The following AGMAT variants were observed in gnomAD, a reference collection of about 807,000 sequenced individuals.
AGMAT encodes the protein agmatinase (putative).
A neutral mutation model predicts 29.3 loss-of-function variants in AGMAT; 37 were observed. The observed-to-expected ratio is 1.26, with a 90% CI of 0.97 to 1.66. The LOEUF is 1.66. AGMAT is among the 40% of genes most tolerant of loss of function. The pLI, the probability that AGMAT is intolerant of heterozygous loss-of-function variation, is 0.00. For synonymous variants in AGMAT, 199 were observed against 200.8 expected (o/e 0.99, Z 0.08); for missense variants, 498 against 497.8 (o/e 1.00, Z 0.00).
At chr1:15,575,416 G>C (rs1300084466) in intron 5 of AGMAT, 1 of 152,800 alleles carries the variant, frequency 6.5e-6, no homozygotes, top group African/African-American at 2.4e-5. Flanking sequence ...GATGGTTACA[G>C]CCATTTCAAG....
Position 15,577,836 on chromosome 1 carries a change from C to A in AGMAT, c.749G>T (p.Cys250Phe), listed in dbSNP as rs148211163. The part of the protein sequence containing the change: ...QGFRVVLAED[C>F]WMKSLVPLMG... The stretch of plus-strand genomic sequence containing the variant: ...CAGAGGAACCAGCGACTTCATCCAG[C>A]AGTCTTCAGCCAGGACTACCCGGAA... The change falls in exon 5 of 7, where the codon TGC becomes TTC. Residue 250 changes from cysteine (C) to phenylalanine (F), a missense_variant. By Grantham distance (205) the Cys-to-Phe change is radical (BLOSUM62 -2). Coordinates refer to ENST00000375826, the MANE Select transcript of AGMAT (RefSeq NM_024758.5). 1 of 1,614,092 alleles carries A rather than the reference C, an allele frequency of 6.2e-7. No homozygotes were observed. Among genetic ancestry groups the A allele is most frequent in the Non-Finnish European group, 8.5e-7 (1 of 1,180,040 alleles).
chr1:15,573,437 T>C lies in AGMAT; in HGVS notation c.*214A>G. 1.9e-6 allele frequency: 1 copy of C among 529,380 alleles called. No homozygotes were observed. Among genetic ancestry groups the C allele is most frequent in the Non-Finnish European group, 3.5e-6 (1 of 289,854 alleles). The allele number at this position is 529,380 out of a possible 1,614,324, so 32.8% of individuals were successfully genotyped here. On this transcript the variant is annotated 3_prime_UTR_variant, in exon 7 of 7. Coordinates refer to ENST00000375826, the MANE Select transcript of AGMAT (RefSeq NM_024758.5). The stretch of plus-strand genomic sequence containing the variant: ...AAAAAAATCAAAGCAGTACAAGTAC[T>C]CCTTTTTTTTTCCCCCAATTAATCC...
chr1:15,584,870 C>A lies in AGMAT; in HGVS notation c.98G>T (p.Ser33Ile). ...AGLFHPGRRQSRQASDAPRNQ... is the reference protein window; with the variant it reads ...AGLFHPGRRQIRQASDAPRNQ... The stretch of plus-strand genomic sequence containing the variant: ...CCGGGGCGCGTCGGAAGCCTGGCGG[C>A]TCTGGCGGCGCCCCGGATGAAAGAG... Residue 33 changes from serine (S) to isoleucine (I), a missense_variant, in exon 1 of 7, where the codon AGC (serine) becomes ATC (isoleucine). Physicochemically the swap from Ser to Ile is moderately radical, Grantham distance 142. Coordinates refer to ENST00000375826, the MANE Select transcript of AGMAT (RefSeq NM_024758.5). 1 of 1,411,858 alleles carries A rather than the reference C, an allele frequency of 7.1e-7. No homozygotes were observed. The allele number at this position is 1,411,858 out of a possible 1,614,324, so 87.5% of individuals were successfully genotyped here. A position where few individuals can be genotyped will look rare whatever the true frequency, so the allele number is the denominator to read the frequency against.
rs1191785547 is a variant in AGMAT, at chr1:15,572,266, G to C, written c.*1385C>G. 2.7e-5 allele frequency: 4 copies of C among 150,398 alleles called. No individual in the cohort carries two copies. The allele number at this position is 150,398 out of a possible 1,614,324, so 9.3% of individuals were successfully genotyped here. A position where few individuals can be genotyped will look rare whatever the true frequency, so the allele number is the denominator to read the frequency against. On this transcript the variant is annotated 3_prime_UTR_variant, in exon 7 of 7. Coordinates refer to ENST00000375826, the MANE Select transcript of AGMAT (RefSeq NM_024758.5). ...AGTAGAGACGGGGTTTCACCATGTTGGCCAGGCTGGTCTTGAACTCCTGAC... is the reference window on the plus strand; with the variant it reads ...AGTAGAGACGGGGTTTCACCATGTTCGCCAGGCTGGTCTTGAACTCCTGAC...
intron 5 of AGMAT, among the ~76,000 whole-genome samples, chr1:15,576,951 C>T (rs1369997231): frequency 6.7e-6 from 1 of 149,882 alleles, no homozygotes; most frequent in African/African-American, 2.5e-5. Flanking sequence ...GGAGTTTCAC[C>T]GTGTTAGCCA....
At chr1:15,578,031 AG>A (rs1017641385) in intron 4 of AGMAT, among the ~76,000 whole-genome samples, 167 bp from the exon 5 acceptor site, 1 of 152,234 alleles carries the variant, frequency 6.6e-6, no homozygotes. Context: ...ATGAGTGGTA[AG>A]GAAGCAGGGT....
At position 15,584,711 on chromosome 1, in the gene AGMAT, T is replaced by C. The variant is rs143574131; in HGVS notation, c.257A>G (p.Asn86Ser). 297 of 1,332,340 alleles carry C rather than the reference T, an allele frequency of 2.2e-4. 1 individual carries two copies. In the African/African-American group the frequency reaches 4.1e-3, roughly 18 times the overall value. The allele number at this position is 1,332,340 out of a possible 1,614,324, so 82.5% of individuals were successfully genotyped here. ...IGVPLDTGTS[N>S]RPGARFGPRR... is the part of the protein sequence containing the mutation. ...CCGGCCTTACCTCGCCCCAGGCCGG[T>C]TGGAGGTCCCAGTATCCAGGGGCAC... is the stretch of plus-strand genomic sequence containing the variant. Residue 86 changes from asparagine to serine, a missense_variant, in exon 1 of 7, where the codon AAC (asparagine) becomes AGC (serine). Transcript: ENST00000375826.
chr1:15,582,772 C>T (rs1454502346), intron 2 of AGMAT, among the ~76,000 whole-genome samples: 2 of 152,074 alleles, frequency 1.3e-5, no homozygotes, highest in South Asian at 2.1e-4. Context: ...CCAAGGTGGG[C>T]GGATCACTTG....
At chr1:15,578,745 C>T in intron 4 of AGMAT, 114 bp downstream of exon 4, 1 of 1,203,940 alleles carries the variant, frequency 8.3e-7, no homozygotes, top group Non-Finnish European at 1.2e-6. Flanking sequence ...AGCCTTGTAT[C>T]CCTGCTTCAG....
At chr1:15,584,306 CT>C (rs1427841696) in intron 1 of AGMAT, among the ~76,000 whole-genome samples, 3 of 85,670 alleles carry the variant, frequency 3.5e-5, no homozygotes, top group Non-Finnish European at 4.4e-5. Flanking sequence ...CCATGCCCGG[CT>C]TTTTTTTTCT....
chr1:15,573,337 A>G lies in AGMAT; in HGVS notation c.*314T>C, dbSNP rs888091511. The stretch of plus-strand genomic sequence containing the variant: ...TTATTTCATAGTTTTTTTAAATGTC[A>G]TGTTTCTAATGTTTAGATAATCTTG... On this transcript the variant is annotated 3_prime_UTR_variant, in exon 7 of 7. Coordinates refer to ENST00000375826, the MANE Select transcript of AGMAT (RefSeq NM_024758.5). 9 of 264,148 alleles carry G rather than the reference A, an allele frequency of 3.4e-5. No homozygotes were observed. The highest frequency in any genetic ancestry group is 6.9e-5 in the South Asian group (1 of 14,422). 16.4% of individuals were successfully genotyped at this position (264,148 alleles called of 1,614,324 possible).
At position 15,583,260 on chromosome 1, in the gene AGMAT, G is replaced by T. The variant is rs1483637137; in HGVS notation, c.408C>A (p.Asp136Glu). 3.1e-6 allele frequency: 5 copies of T among 1,614,020 alleles called. No individual in the cohort carries two copies. The highest frequency in any genetic ancestry group is 4.2e-6 in the Non-Finnish European group (5 of 1,180,050). The change falls in exon 2 of 7, where the codon GAC becomes GAA. Residue 136 changes from aspartate to glutamate, a missense_variant. Asp to Glu is a conservative substitution (Grantham distance 45, BLOSUM62 2). Coordinates refer to ENST00000375826, the MANE Select transcript of AGMAT (RefSeq NM_024758.5). ...AGGCCTCTTGAATTCGCCGGCAGCT[G>T]TCCTGAAGGTTGTAAAGATTGACAT... is the stretch of plus-strand genomic sequence containing the variant. ...DVNVNLYNLQ[D>E]SCRRIQEAYE... is the part of the protein sequence containing the mutation.
chr1:15,572,146 G>GAAA lies in AGMAT; in HGVS notation c.*1502_*1504dup, dbSNP rs560322313. Among the ~76,000 whole-genome samples, 12 of 63,714 alleles carry GAAA rather than the reference G, an allele frequency of 1.9e-4. 2 individuals are homozygous for GAAA. Among genetic ancestry groups the GAAA allele is most frequent in the South Asian group, 6.6e-4 (1 of 1,504 alleles). The allele number at this position is 63,714 out of a possible 152,430, so 41.8% of individuals were successfully genotyped here. A position where few individuals can be genotyped will look rare whatever the true frequency, so the allele number is the denominator to read the frequency against. On this transcript the variant is annotated 3_prime_UTR_variant, in exon 7 of 7. Transcript: ENST00000375826. ...GGGGACAGAGCGAGACTCCATCTCAGAAAAAAAAAAAAAAAAAAAAGCCCA... is the reference window on the plus strand; with the variant it reads ...GGGGACAGAGCGAGACTCCATCTCAGAAAAAAAAAAAAAAAAAAAAAAAGCCCA...
At chr1:15,578,624 G>A (rs1049131983) in intron 4 of AGMAT, among the ~76,000 whole-genome samples, 13 of 151,976 alleles carry the variant, frequency 8.6e-5, no homozygotes, top group African/African-American at 1.2e-4. Flanking sequence ...AGCACCGTCC[G>A]AGGGGTTGGT....
intron 2 of AGMAT, among the ~76,000 whole-genome samples, chr1:15,581,088 C>T (rs964306309): frequency 1.3e-5 from 2 of 152,214 alleles, no homozygotes; most frequent in Non-Finnish European, 2.9e-5. Flanking sequence ...ATAGACCAGG[C>T]GCAGTGGCTC....
At chr1:15,580,230 T>C (rs1287998855) in intron 2 of AGMAT, 88 bp from the exon 3 acceptor site, 2 of 1,090,620 alleles carry the variant, frequency 1.8e-6, no homozygotes, top group East Asian at 2.6e-5. Flanking sequence ...TTTTGAGATG[T>C]AGTTTTGCTC....
chr1:15,575,045 G>A, intron 5 of AGMAT: 2 of 488,698 alleles, frequency 4.1e-6, no homozygotes, highest in African/African-American at 1.9e-5. Flanking sequence ...GGGCTGCATG[G>A]TGTGGTGATG....
In AGMAT at chr1:15,572,375, T is replaced by TC. The variant is rs1638966747; in HGVS notation, c.*1275_*1276insG. ...TGCTTTTTTTTTTTTTTTTTTTTTTTTGGAGACGGAGTCTCACTCTGTCAC... is the reference window on the plus strand; with the variant it reads ...TGCTTTTTTTTTTTTTTTTTTTTTTTCTGGAGACGGAGTCTCACTCTGTCAC... On this transcript the variant is annotated 3_prime_UTR_variant, in exon 7 of 7. Coordinates refer to ENST00000375826, the MANE Select transcript of AGMAT (RefSeq NM_024758.5). 7.0e-6 allele frequency: 1 copy of TC among 142,240 alleles called. No individual in the cohort carries two copies. The highest frequency in any genetic ancestry group is 2.6e-5 in the African/African-American group (1 of 37,800). 8.8% of individuals were successfully genotyped at this position (142,240 alleles called of 1,614,324 possible).
Position 15,574,850 on chromosome 1 carries a change from G to T in AGMAT, c.901-9C>A. ...CTGATGATCTCCAGAGCCTATTCAA[G>T]ATCAAGACTGAGTTGTCCACAGTGG... is the stretch of plus-strand genomic sequence containing the variant. On this transcript the variant is annotated splice_polypyrimidine_tract_variant and intron_variant, in intron 5 of 6. Coordinates refer to ENST00000375826, the MANE Select transcript of AGMAT (RefSeq NM_024758.5). 1 of 1,610,522 alleles carries T rather than the reference G, an allele frequency of 6.2e-7. No homozygotes were observed. The highest frequency in any genetic ancestry group is 1.1e-5 in the South Asian group (1 of 91,010).
Sources: allele counts gnomAD v4.1 joint callset (sites outside exome capture counted in the v4.1 genomes callset), GRCh38; gene constraint gnomAD v4.1.1; transcripts MANE v1.5; gene names NCBI Gene and HGNC (gene_info 2026-07-23, HGNC 2026-07-21).